Variants in KHDRBS2 observed in about 807,000 individuals in gnomAD.
KHDRBS2 encodes the protein KH RNA binding domain containing, signal transduction associated 2, also known as KH domain-containing, RNA-binding, signal transduction-associated protein 2.
Under a neutral mutation model 44.3 loss-of-function variants are expected in KHDRBS2, and 26 were observed. The observed-to-expected ratio is 0.59, with a 90% CI of 0.43 to 0.81. KHDRBS2 has a LOEUF of 0.81. Ranked by LOEUF, KHDRBS2 falls within the 40% of genes least tolerant of loss-of-function variation. KHDRBS2 has a pLI of 0.00. For synonymous variants in KHDRBS2, 194 were observed against 151.1 expected, an observed-to-expected ratio of 1.28 and a Z score of -2.08; for missense variants, 476 against 433.1, an observed-to-expected ratio of 1.10 and a Z score of -0.88.
At chr6:62,170,159 A>C (rs1819704804) in intron 2 of KHDRBS2, among the ~76,000 whole-genome samples, 1 of 151,740 alleles carries the variant, frequency 6.6e-6, no homozygotes, top group African/African-American at 2.4e-5. Flanking sequence ...ATCTGACCCC[A>C]CCCACTCCCA....
chr6:61,631,305 CAAAAAAAAAAAAAAAAAAA>C, the KHDRBS2 span, among the ~76,000 whole-genome samples: 3 of 66,974 alleles, frequency 4.5e-5, no homozygotes, highest in Admixed American at 2.3e-4. Context: ...ACGAATAAGC[CAAAAAAAAAAAAAAAAAAA>C]AAAAAAAAAA....
At chr6:62,130,103 T>G (rs1175807359) in intron 2 of KHDRBS2, among the ~76,000 whole-genome samples, 1 of 152,218 alleles carries the variant, frequency 6.6e-6, no homozygotes, top group Non-Finnish European at 1.5e-5. Context: ...GACACAGCTA[T>G]GTCTATGAAA....
At chr6:62,154,087 A>T (rs1325902697) in intron 2 of KHDRBS2, among the ~76,000 whole-genome samples, 6 of 152,176 alleles carry the variant, frequency 3.9e-5, no homozygotes, top group African/African-American at 7.2e-5. Context: ...CCCAGACAAG[A>T]CAAAATGGGG....
At chr6:61,792,452 T>G (rs1357701760) in intron 6 of KHDRBS2, among the ~76,000 whole-genome samples, 6 of 151,778 alleles carry the variant, frequency 4.0e-5, no homozygotes, top group Non-Finnish European at 7.4e-5. Context: ...TTTCAAAATT[T>G]TCTTTATGAG....
rs373326940 is a variant in KHDRBS2, at chr6:62,166,345, T to C, written c.219+10840A>G. 2.1e-3 allele frequency among the ~76,000 whole-genome samples: 321 copies of C among 152,168 alleles called. 1 individual carries two copies. Among genetic ancestry groups the C allele is most frequent in the African/African-American group, 7.2e-3 (301 of 41,562 alleles). On this transcript the variant is annotated intron_variant, in intron 2 of 8. Coordinates refer to ENST00000281156, the MANE Select transcript of KHDRBS2 (RefSeq NM_152688.4). ...TTCCAATTGGTATTCACAAGTGAGG[T>C]TGTTCTACAGTTTTATTTTTTGTGA... is the stretch of plus-strand genomic sequence containing the variant.
chr6:61,928,068 G>A (rs866440763), intron 4 of KHDRBS2, among the ~76,000 whole-genome samples: 1 of 152,064 alleles, frequency 6.6e-6, no homozygotes, highest in South Asian at 2.1e-4. Flanking sequence ...TCTGCTTACT[G>A]CTTGCATTGA....
intron 2 of KHDRBS2, among the ~76,000 whole-genome samples, chr6:62,153,790 T>C (rs2150107341): frequency 6.6e-6 from 1 of 152,278 alleles, no homozygotes; most frequent in Admixed American, 6.5e-5. Flanking sequence ...TCTTGAAGCA[T>C]GTATATAGTC....
At chr6:61,818,595 C>T (rs908197723) in intron 6 of KHDRBS2, among the ~76,000 whole-genome samples, 7 of 151,870 alleles carry the variant, frequency 4.6e-5, no homozygotes, top group Non-Finnish European at 7.4e-5. Flanking sequence ...TGTTGTTCCA[C>T]GTTCACCACA....
At chr6:62,071,963 C>T (rs1294165906) in intron 2 of KHDRBS2, among the ~76,000 whole-genome samples, 1 of 152,096 alleles carries the variant, frequency 6.6e-6, no homozygotes, top group African/African-American at 2.4e-5. Flanking sequence ...TTGATTCTTC[C>T]TACCCATGAG....
the KHDRBS2 span, among the ~76,000 whole-genome samples, chr6:61,638,352 G>A: frequency 1.7e-3 from 259 of 151,878 alleles, 2 homozygotes; most frequent in African/African-American, 5.8e-3. Context: ...AAATAATGCC[G>A]CATATCTACA....
chr6:61,990,917 C>T (rs1776016020), intron 3 of KHDRBS2, among the ~76,000 whole-genome samples: 1 of 152,048 alleles, frequency 6.6e-6, no homozygotes, highest in African/African-American at 2.4e-5. Flanking sequence ...ACCATGTTGG[C>T]CAGGATGGTC....
At chr6:61,821,066 G>A (rs1240229630) in intron 6 of KHDRBS2, among the ~76,000 whole-genome samples, 2 of 151,930 alleles carry the variant, frequency 1.3e-5, no homozygotes, top group Non-Finnish European at 2.9e-5. Flanking sequence ...AAACCTGTTT[G>A]TCTATTATTT....
chr6:61,798,657 TTTC>T lies in KHDRBS2; in HGVS notation c.811-65896_811-65894del, dbSNP rs1420410141. On this transcript the variant is annotated intron_variant, in intron 6 of 8. Transcript: ENST00000281156. ...CATCATAAATGCAAATAATTATCTTTTTCTTCTTATTACACTGATATTTTGGGT... is the reference window on the plus strand; with the variant it reads ...CATCATAAATGCAAATAATTATCTTTTTCTTATTACACTGATATTTTGGGT... Among the ~76,000 whole-genome samples the T allele has an allele frequency of 3.9e-5, 6 of 152,054 alleles. No individual in the cohort carries two copies. The East Asian group carries it at 1.2e-3, about 29-fold the overall frequency.
intron 6 of KHDRBS2, among the ~76,000 whole-genome samples, chr6:61,822,292 G>A (rs923971551): frequency 6.6e-5 from 10 of 151,828 alleles, no homozygotes; most frequent in African/African-American, 1.7e-4. Flanking sequence ...AAATTATGTC[G>A]ACATTTACCC....
chr6:61,628,742 T>C, the KHDRBS2 span, among the ~76,000 whole-genome samples: 1 of 152,204 alleles, frequency 6.6e-6, no homozygotes, highest in Non-Finnish European at 1.5e-5. Context: ...CATACTTCCA[T>C]ACTGTATGTG....
intron 2 of KHDRBS2, among the ~76,000 whole-genome samples, chr6:62,106,408 G>C (rs561229285): frequency 6.6e-6 from 1 of 152,034 alleles, no homozygotes; most frequent in Non-Finnish European, 1.5e-5. Flanking sequence ...TATTGTGTGG[G>C]AGTCTAAGTC....
downstream of KHDRBS2, among the ~76,000 whole-genome samples, chr6:61,677,115 T>C (rs1765988879): frequency 6.6e-6 from 1 of 151,876 alleles, no homozygotes; most frequent in South Asian, 2.1e-4. Flanking sequence ...AGTTAATGCA[T>C]ATAAAGATCT....
chr6:62,196,557 T>C (rs1458612326), intron 1 of KHDRBS2, among the ~76,000 whole-genome samples: 1 of 149,602 alleles, frequency 6.7e-6, no homozygotes, highest in East Asian at 2.0e-4. Context: ...AGGTCTGAGG[T>C]ATGTACATCT....
At chr6:62,255,141 C>CA (rs1837155029) in intron 1 of KHDRBS2, among the ~76,000 whole-genome samples, 1 of 152,008 alleles carries the variant, frequency 6.6e-6, no homozygotes, top group Non-Finnish European at 1.5e-5. Context: ...TTTCAATTTA[C>CA]AAATAGATCA....
Sources: allele counts gnomAD v4.1 joint callset (sites outside exome capture counted in the v4.1 genomes callset), GRCh38; gene constraint gnomAD v4.1.1; transcripts MANE v1.5; gene names NCBI Gene and HGNC (gene_info 2026-07-23, HGNC 2026-07-21).